The following LAMTOR4 variants were observed in gnomAD, a reference collection of about 807,000 sequenced individuals.
LAMTOR4 encodes late endosomal/lysosomal adaptor, MAPK and MTOR activator 4.
LAMTOR4 carries 11 observed loss-of-function variants against 13.5 expected under a neutral mutation model. The observed-to-expected ratio is 0.82, with a 90% CI of 0.51 to 1.35. The LOEUF is 1.35. Ranked by LOEUF, LAMTOR4 falls within the 40% of genes most tolerant of loss-of-function variation. The pLI is 0.00. For missense variants in LAMTOR4, 128 were observed against 126.2 expected, an observed-to-expected ratio of 1.01 and a Z score of -0.07; for synonymous variants, 69 against 52.3, an observed-to-expected ratio of 1.32 and a Z score of -1.38.
rs115811744 is a variant in LAMTOR4, at chr7:100,153,934, G to A, written c.270G>A (p.Gln90=). The A allele has an allele frequency of 1.1e-5, 17 of 1,594,224 alleles. No homozygotes were observed. The African/African-American group carries it at 2.1e-4, about 20-fold the overall frequency. The change falls in exon 4 of 4, where the codon CAG becomes CAA. Residue 90 remains glutamine, a synonymous_variant. Transcript: ENST00000341942. ...SGQRVFVVKR[Q]NRGREPIDV Reference sequence around the variant, plus strand: ...AGAGGGTGTTTGTGGTGAAGAGGCAGAACCGAGGTCGGGAGCCCATTGATG... The same window carrying A: ...AGAGGGTGTTTGTGGTGAAGAGGCAAAACCGAGGTCGGGAGCCCATTGATG...
At chr7:100,149,236 T>A (rs1798623201) in intron 1 of LAMTOR4, 5 of 582,994 alleles carry the variant, frequency 8.6e-6, no homozygotes, top group Non-Finnish European at 1.5e-5. Context: ...CAGGGGCCAG[T>A]GGGGCAGCAA....
rs145738939 is a variant in LAMTOR4, at chr7:100,153,468, C to T, written c.153C>T (p.Cys51=). Residue 51 remains cysteine (C), a synonymous_variant, in exon 3 of 4, where the codon TGC becomes TGT. Transcript: ENST00000341942. The part of the protein sequence containing the change: ...SAISELVSTA[C]GFRLHRGMNV... ...TCTCTGAGCTGGTCAGCACAGCCTG[C>T]GGTTTCCGGCTGCACCGCGGCATGA... is the stretch of plus-strand genomic sequence containing the variant. The T allele has an allele frequency of 4.0e-4, 636 of 1,610,072 alleles. 2 individuals are homozygous for T. In the African/African-American group the frequency reaches 7.3e-3, roughly 18 times the overall value.
In LAMTOR4 at chr7:100,149,588, T is replaced by G. The variant is rs566908469; in HGVS notation, c.84+9T>G. 9 of 1,611,934 alleles carry G rather than the reference T, an allele frequency of 5.6e-6. No homozygotes were observed. The highest frequency in any genetic ancestry group is 7.6e-6 in the Non-Finnish European group (9 of 1,178,282). On this transcript the variant is annotated intron_variant, in intron 2 of 3. Coordinates refer to ENST00000341942, the MANE Select transcript of LAMTOR4 (RefSeq NM_001008395.4). ...AAGGTGCAGTGCTGGCGGTGCGTTC[T>G]GGGAAAGGGAGGGGGTCCCTTAGTG...
At position 100,149,575 on chromosome 7, in the gene LAMTOR4, T is replaced by G; in HGVS notation, c.80T>G (p.Leu27Arg). 1 of 1,613,466 alleles carries G rather than the reference T, an allele frequency of 6.2e-7. No individual in the cohort carries two copies. Among genetic ancestry groups the G allele is most frequent in the Non-Finnish European group, 8.5e-7 (1 of 1,179,492 alleles). Residue 27 changes from leucine to arginine, a missense_variant, in exon 2 of 4, where the codon CTG becomes CGG. By Grantham distance (102) the Leu-to-Arg change is moderately radical. Transcript: ENST00000341942. ...CTGGTACTGAGTGAAGGTGCAGTGC[T>G]GGCGGTGCGTTCTGGGAAAGGGAGG... ...GYLVLSEGAV[L>R]ASSGDLENDE...
At chr7:100,153,131 G>A (rs141862851) in intron 2 of LAMTOR4, among the ~76,000 whole-genome samples, 1,904 of 150,270 alleles carry the variant, frequency 0.013, 23 homozygotes, top group Non-Finnish European at 0.019. Flanking sequence ...GTGACAGAAC[G>A]AGATTCCGTC....
chr7:100,150,789 T>C (rs754607237), intron 2 of LAMTOR4, among the ~76,000 whole-genome samples: 7 of 151,684 alleles, frequency 4.6e-5, no homozygotes, highest in Non-Finnish European at 4.4e-5. Context: ...ATCGAGACCA[T>C]CCTGGCCAAC....
intron 2 of LAMTOR4, among the ~76,000 whole-genome samples, chr7:100,150,341 A>G (rs1798662794): frequency 6.6e-6 from 1 of 152,258 alleles, no homozygotes; most frequent in Admixed American, 6.5e-5. Flanking sequence ...TTAAAAATTC[A>G]ACATGTTATG....
chr7:100,153,369 C>G, intron 2 of LAMTOR4, 31 bp from the exon 3 acceptor site: 4 of 1,482,672 alleles, frequency 2.7e-6, no homozygotes, highest in Non-Finnish European at 3.7e-6. Context: ...GCCGTAATGC[C>G]CGCCCCTCTC....
intron 2 of LAMTOR4, among the ~76,000 whole-genome samples, chr7:100,151,630 C>T (rs1360417143): frequency 2.0e-5 from 3 of 151,958 alleles, no homozygotes; most frequent in Non-Finnish European, 4.4e-5. Context: ...CCTCGTGATC[C>T]GCCTACCTCG....
intron 2 of LAMTOR4, among the ~76,000 whole-genome samples, chr7:100,152,234 A>C (rs925379318): frequency 6.6e-6 from 1 of 151,970 alleles, no homozygotes; most frequent in Non-Finnish European, 1.5e-5. Context: ...ACATGGTGAA[A>C]CCTCATCTCT....
intron 2 of LAMTOR4, among the ~76,000 whole-genome samples, chr7:100,151,881 T>A (rs1369812933): frequency 3.6e-5 from 5 of 137,744 alleles, no homozygotes; most frequent in East Asian, 2.1e-4. Flanking sequence ...AAAAAAAAAA[T>A]GTGTGGAGAC....
chr7:100,149,188 G>C (rs949592455), intron 1 of LAMTOR4: 6 of 650,428 alleles, frequency 9.2e-6, no homozygotes, highest in Non-Finnish European at 1.6e-5. Context: ...TCTGCAGGTC[G>C]GGCGGAGACG....
rs1228234134 is a variant in LAMTOR4, at chr7:100,153,405, T to C, written c.90T>C (p.Ser30=). 2 of 1,609,530 alleles carry C rather than the reference T, an allele frequency of 1.2e-6. No individual in the cohort carries two copies. The highest frequency in any genetic ancestry group is 3.3e-5 in the Admixed American group (2 of 60,004). Reference sequence around the variant, plus strand: ...CCTCCTCCGTCTGCATGCAGTCATCTGGGGACCTGGAGAATGATGAGCAGG... The same window carrying C: ...CCTCCTCCGTCTGCATGCAGTCATCCGGGGACCTGGAGAATGATGAGCAGG... The part of the protein sequence containing the change: ...VLSEGAVLAS[S]GDLENDEQAA... Residue 30 remains serine (S), a synonymous_variant, in exon 3 of 4, where the codon TCT becomes TCC. Coordinates refer to ENST00000341942, the MANE Select transcript of LAMTOR4 (RefSeq NM_001008395.4).
At chr7:100,153,844 G>T in intron 3 of LAMTOR4, 23 bp from the exon 4 acceptor site, 1 of 1,513,898 alleles carries the variant, frequency 6.6e-7, no homozygotes, top group Non-Finnish European at 9.0e-7. Context: ...CCTGGGGCGG[G>T]GGAAGGTGTG....
intron 1 of LAMTOR4, 77 bp from the exon 2 acceptor site, chr7:100,149,422 T>C (rs1037681688): frequency 1.3e-5 from 13 of 984,492 alleles, no homozygotes; most frequent in Non-Finnish European, 2.0e-5. Context: ...ACCCAGAGAC[T>C]TGGGTTTGCA....
At chr7:100,151,590 A>G in intron 2 of LAMTOR4, among the ~76,000 whole-genome samples, 1 of 150,590 alleles carries the variant, frequency 6.6e-6, no homozygotes, top group African/African-American at 2.5e-5. Context: ...GGGTTTCACC[A>G]TGTTAGCCAG....
chr7:100,149,099 G>A, intron 1 of LAMTOR4, 124 bp downstream of exon 1: 1 of 1,280,996 alleles, frequency 7.8e-7, no homozygotes, highest in African/African-American at 1.5e-5. Flanking sequence ...CGGGGAGGAA[G>A]AGGGGATGGA....
intron 2 of LAMTOR4, 144 bp downstream of exon 2, chr7:100,149,723 A>G: frequency 1.2e-5 from 7 of 605,228 alleles, no homozygotes; most frequent in East Asian, 5.4e-5. Context: ...AGTTTTTGCA[A>G]TTACTTTCAG....
chr7:100,153,620 T>C (rs1408275031), intron 3 of LAMTOR4, 103 bp downstream of exon 3: 2 of 1,073,912 alleles, frequency 1.9e-6, no homozygotes, highest in South Asian at 2.5e-5. Context: ...TCTCCTGGGG[T>C]CTCTGGTCTG....
Sources: allele counts gnomAD v4.1 joint callset (sites outside exome capture counted in the v4.1 genomes callset), GRCh38; gene constraint gnomAD v4.1.1; transcripts MANE v1.5; gene names NCBI Gene and HGNC (gene_info 2026-07-23, HGNC 2026-07-21).